The following AMD1 variants were observed in gnomAD, a reference collection of about 807,000 sequenced individuals.
The protein encoded by AMD1 is S-adenosylmethionine decarboxylase proenzyme.
AMD1 carries 11 observed loss-of-function variants against 40.2 expected under a neutral mutation model. The ratio of observed to expected loss-of-function variants is 0.27; its 90% confidence interval spans 0.17 to 0.45. The LOEUF (loss-of-function observed/expected upper bound fraction) is 0.45. AMD1 is among the 20% of genes least tolerant of loss of function. AMD1 has a pLI of 1.00. For synonymous variants in AMD1, 121 were observed against 130.8 expected (o/e 0.93, Z 0.51); for missense variants, 257 against 410.2 (o/e 0.63, Z 3.23).
At chr6:110,892,664 G>A in intron 6 of AMD1, 71 bp from the exon 7 acceptor site, 1 of 1,556,820 alleles carries the variant, frequency 6.4e-7, no homozygotes, top group East Asian at 2.3e-5. Flanking sequence ...CCCACCCTGG[G>A]ACTAAATTTT....
the AMD1 span, among the ~76,000 whole-genome samples, chr6:110,842,168 AAG>A: frequency 6.6e-6 from 1 of 152,154 alleles, no homozygotes; most frequent in Admixed American, 6.6e-5. Context: ...GATAGGAGAC[AAG>A]AGAGTGTTCA....
chr6:110,827,309 T>G, the AMD1 span, among the ~76,000 whole-genome samples: 2 of 151,954 alleles, frequency 1.3e-5, no homozygotes, highest in Non-Finnish European at 2.9e-5. Context: ...TTTCAGTTTT[T>G]TTTGTTTGTT....
the AMD1 span, among the ~76,000 whole-genome samples, chr6:110,847,530 A>G: frequency 2.6e-5 from 4 of 151,836 alleles, no homozygotes; most frequent in Admixed American, 6.6e-5. Context: ...GTCTCAAAAA[A>G]AAAAAGAATT....
intron 8 of AMD1, 134 bp downstream of exon 8, chr6:110,893,199 T>A: frequency 1.0e-6 from 1 of 952,530 alleles, no homozygotes; most frequent in Non-Finnish European, 1.5e-6. Flanking sequence ...TAATATTGTT[T>A]GAGGTTACTG....
the AMD1 span, among the ~76,000 whole-genome samples, chr6:110,852,825 GAACA>G: frequency 3.9e-5 from 6 of 152,040 alleles, no homozygotes; most frequent in Non-Finnish European, 8.8e-5. Flanking sequence ...TTTTCTGAAT[GAACA>G]AACATTTTAA....
the AMD1 span, among the ~76,000 whole-genome samples, chr6:110,867,837 A>T: frequency 3.3e-5 from 5 of 152,252 alleles, no homozygotes; most frequent in Non-Finnish European, 1.5e-5. Context: ...ACAGCACATT[A>T]CAAATTCTTT....
At chr6:110,826,665 C>T in the AMD1 span, among the ~76,000 whole-genome samples, 16,260 of 150,404 alleles carry the variant, frequency 0.11, 1,068 homozygotes, top group African/African-American at 0.18. Context: ...TTTGTGTAAA[C>T]AAACTTCCCT....
At chr6:110,835,687 G>A in the AMD1 span, among the ~76,000 whole-genome samples, 1 of 152,184 alleles carries the variant, frequency 6.6e-6, no homozygotes, top group East Asian at 1.9e-4. Flanking sequence ...CCAACATGGT[G>A]AAATTATGTC....
chr6:110,878,415 T>C (rs1412313594), intron 1 of AMD1, among the ~76,000 whole-genome samples: 1 of 152,214 alleles, frequency 6.6e-6, no homozygotes, highest in African/African-American at 2.4e-5. Flanking sequence ...ATTTAAGATA[T>C]TTTATCTTAA....
chr6:110,873,435 G>A (rs1168079769), upstream of AMD1, among the ~76,000 whole-genome samples: 1 of 152,188 alleles, frequency 6.6e-6, no homozygotes, highest in East Asian at 1.9e-4. Flanking sequence ...CAGGTTTCAC[G>A]GAGACACGTG....
At chr6:110,888,766 G>T (rs929625284) in intron 2 of AMD1, 91 bp from the exon 3 acceptor site, 2 of 1,352,262 alleles carry the variant, frequency 1.5e-6, no homozygotes, top group African/African-American at 2.9e-5. Context: ...AAAAGTACTA[G>T]CCAAAATTGT....
the AMD1 span, among the ~76,000 whole-genome samples, chr6:110,855,682 G>C: frequency 1.3e-5 from 2 of 152,294 alleles, no homozygotes; most frequent in African/African-American, 4.8e-5. Context: ...TGGAGGCTGA[G>C]AGAAAGGTGC....
intron 3 of AMD1, 60 bp downstream of exon 3, chr6:110,889,043 A>G: frequency 6.3e-7 from 1 of 1,579,110 alleles, no homozygotes; most frequent in South Asian, 1.2e-5. Context: ...TTATCCTGTA[A>G]TATGCGAAGT....
At chr6:110,879,935 C>A (rs1182314728) in intron 1 of AMD1, among the ~76,000 whole-genome samples, 1 of 151,768 alleles carries the variant, frequency 6.6e-6, no homozygotes, top group Non-Finnish European at 1.5e-5. Flanking sequence ...TAACCCTGCA[C>A]TAATGGGATC....
intron 1 of AMD1, among the ~76,000 whole-genome samples, chr6:110,876,726 C>A (rs183577493): frequency 6.6e-6 from 1 of 152,106 alleles, no homozygotes; most frequent in African/African-American, 2.4e-5. Flanking sequence ...CTTAGTATTT[C>A]CTTCATTTCA....
the AMD1 span, among the ~76,000 whole-genome samples, chr6:110,841,566 A>G: frequency 2.6e-5 from 4 of 152,012 alleles, no homozygotes; most frequent in Admixed American, 6.6e-5. Context: ...TATTTAAGAA[A>G]ATTTTAAATT....
the AMD1 span, among the ~76,000 whole-genome samples, chr6:110,850,625 A>G: frequency 1.3e-5 from 2 of 152,320 alleles, no homozygotes; most frequent in South Asian, 2.1e-4. Context: ...GCAAGTTGTT[A>G]TTAATAGGAA....
intron 4 of AMD1, 118 bp from the exon 5 acceptor site, chr6:110,892,043 G>A (rs551436854): frequency 8.3e-7 from 1 of 1,211,588 alleles, no homozygotes; most frequent in African/African-American, 1.5e-5. Flanking sequence ...GTCCACTGAT[G>A]GATGACATTT....
intron 1 of AMD1, among the ~76,000 whole-genome samples, chr6:110,875,992 G>A (rs996880607): frequency 7.2e-5 from 11 of 152,160 alleles, no homozygotes; most frequent in African/African-American, 2.7e-4. Flanking sequence ...TGTGTAACCT[G>A]CTACGGAGCC....
Sources: gnomAD v4.1 joint callset for allele counts (sites outside exome capture counted in the v4.1 genomes callset) on GRCh38, gnomAD v4.1.1 for gene constraint, MANE v1.5 for transcripts, NCBI Gene and HGNC (gene_info 2026-07-23, HGNC 2026-07-21) for gene names.